The following BIRC6 variants were observed in gnomAD, a reference collection of about 807,000 sequenced individuals.
The protein encoded by BIRC6 is baculoviral IAP repeat containing 6, also known as dual E2 ubiquitin-conjugating enzyme/E3 ubiquitin-protein ligase BIRC6.
BIRC6 carries 98 observed loss-of-function variants against 503.3 expected under a neutral mutation model. The observed-to-expected ratio is 0.19, with a 90% confidence interval of 0.17 to 0.23. The LOEUF is 0.23. Ranked by LOEUF, BIRC6 falls within the 10% of genes least tolerant of loss-of-function variation. The pLI is 1.00. For missense variants in BIRC6, 5,360 were observed against 5,806.0 expected (o/e 0.92, Z 2.50); for synonymous variants, 2,240 against 2,078.7 (o/e 1.08, Z -2.11).
At chr2:32,426,831 C>T (rs1276455748) in intron 10 of BIRC6, among the ~76,000 whole-genome samples, 1 of 152,178 alleles carries the variant, frequency 6.6e-6, no homozygotes, top group Non-Finnish European at 1.5e-5. Context: ...AGGTTGCTAG[C>T]ATAAAGTTCT....
Position 32,481,367 on chromosome 2 carries a change from G to C in BIRC6, c.7456G>C (p.Glu2486Gln). ...SLEKDKEIDL[E>Q]LLQDLMEVDI... ...GGAAAAAGATAAAGAAATTGACCTT[G>C]AGTTACTTCAGGATCTAATGGAAGT... The change falls in exon 38 of 74, where the codon GAG becomes CAG. Residue 2486 changes from glutamate (E) to glutamine (Q), a missense_variant. This residue lies in a region of BIRC6 where 2,299 missense variants were observed against 2,267.2 expected (regional missense o/e 1.01). Coordinates refer to ENST00000421745, the MANE Select transcript of BIRC6 (RefSeq NM_016252.4). 6.2e-7 allele frequency: 1 copy of C among 1,611,106 alleles called. No homozygotes were observed. Among genetic ancestry groups the C allele is most frequent in the Non-Finnish European group, 8.5e-7 (1 of 1,178,286 alleles).
At chr2:32,509,367 G>A (rs1194162882) in intron 51 of BIRC6, among the ~76,000 whole-genome samples, 1 of 152,046 alleles carries the variant, frequency 6.6e-6, no homozygotes, top group Non-Finnish European at 1.5e-5. Context: ...TGATTCTCCT[G>A]CCCCACCTTC....
chr2:32,503,820 G>C (rs573762107), intron 49 of BIRC6, among the ~76,000 whole-genome samples: 1 of 152,216 alleles, frequency 6.6e-6, no homozygotes, highest in East Asian at 1.9e-4. Flanking sequence ...AGATTCTTCC[G>C]TAAGTTTTCT....
In BIRC6 at chr2:32,607,481, A is replaced by T. The variant is rs1346394790; in HGVS notation, c.14097A>T (p.Ile4699=). The change falls in exon 72 of 74, where the codon ATA becomes ATT. Residue 4699 remains isoleucine (I), a synonymous_variant. Coordinates refer to ENST00000421745, the MANE Select transcript of BIRC6 (RefSeq NM_016252.4). ...TGTTGGTGTCTGTCCAGTCCCTTAT[A>T]TTAGTAGCTGAGCCTTATTTTAATG... ...LQVLVSVQSL[I]LVAEPYFNEP... The T allele has an allele frequency of 1.7e-5, 27 of 1,604,622 alleles. No individual in the cohort carries two copies. The highest frequency in any genetic ancestry group is 2.3e-5 in the Non-Finnish European group (27 of 1,173,648).
intron 16 of BIRC6, among the ~76,000 whole-genome samples, chr2:32,440,895 G>A (rs1184136514): frequency 6.6e-6 from 1 of 151,844 alleles, no homozygotes; most frequent in African/African-American, 2.4e-5. Flanking sequence ...CCCAAGTAGT[G>A]GGATTAAAGG....
intron 22 of BIRC6, among the ~76,000 whole-genome samples, chr2:32,451,339 A>T (rs938999997): frequency 6.6e-6 from 1 of 152,154 alleles, no homozygotes; most frequent in African/African-American, 2.4e-5. Context: ...AGTGTGTTCT[A>T]TAGACCCCCA....
At chr2:32,453,193 A>G (rs2046896880) in intron 22 of BIRC6, among the ~76,000 whole-genome samples, 1 of 152,046 alleles carries the variant, frequency 6.6e-6, no homozygotes, top group African/African-American at 2.4e-5. Flanking sequence ...TTTATTGGTC[A>G]TATAGTTGTG....
intron 1 of BIRC6, 27 bp from the exon 2 acceptor site, chr2:32,377,561 A>C (rs1251092459): frequency 6.4e-7 from 1 of 1,563,820 alleles, no homozygotes; most frequent in Non-Finnish European, 8.7e-7. Flanking sequence ...GAAAATCTTA[A>C]GTGTTGAATT....
intron 10 of BIRC6, among the ~76,000 whole-genome samples, chr2:32,427,440 C>G (rs983687402): frequency 3.3e-5 from 5 of 151,962 alleles, no homozygotes; most frequent in Non-Finnish European, 5.9e-5. Context: ...CGCCTGCCAC[C>G]ACGCCTGTCT....
At chr2:32,446,896 G>GCGGCCTTC (rs1415353011) in intron 21 of BIRC6, among the ~76,000 whole-genome samples, 4 of 126,552 alleles carry the variant, frequency 3.2e-5, no homozygotes, top group African/African-American at 9.1e-5. Context: ...AGAGGACCCT[G>GCGGCCTTC]CGGCCTTCCG....
chr2:32,578,277 AT>A (rs1270104450), intron 66 of BIRC6, among the ~76,000 whole-genome samples: 1 of 151,916 alleles, frequency 6.6e-6, no homozygotes, highest in South Asian at 2.1e-4. Context: ...AAAATAATCC[AT>A]TTTTCCCTTA....
rs191422530 is a variant in BIRC6, at chr2:32,600,253, A to T, written c.13992+353A>T. 1.2e-4 allele frequency among the ~76,000 whole-genome samples: 18 copies of T among 152,334 alleles called. 1 individual carries two copies. In the East Asian group the frequency reaches 1.5e-3, roughly 13 times the overall value. The stretch of plus-strand genomic sequence containing the variant: ...TGCATTTCCATTTACAAAAAAGCTG[A>T]CCAAAAGACATAATAAAAATCATCT... On this transcript the variant is annotated intron_variant, in intron 70 of 73. Coordinates refer to ENST00000421745, the MANE Select transcript of BIRC6 (RefSeq NM_016252.4).
intron 72 of BIRC6, among the ~76,000 whole-genome samples, chr2:32,609,749 CA>C (rs11336710): frequency 0.57 from 65,416 of 115,394 alleles, 14,834 homozygotes; most frequent in Middle Eastern, 0.61. Context: ...GACTCTGTCT[CA>C]AAAAAAAAAA....
Position 32,470,367 on chromosome 2 carries a change from A to G in BIRC6, c.6481+66A>G, listed in dbSNP as rs2048982597. On this transcript the variant is annotated intron_variant, in intron 31 of 73. Coordinates refer to ENST00000421745, the MANE Select transcript of BIRC6 (RefSeq NM_016252.4). ...CCTGCAAATATTTCTTTTATAAAAT[A>G]TCTTCTCTGAAATACTTTAATAATT... 3.0e-6 allele frequency: 4 copies of G among 1,342,884 alleles called. No individual in the cohort carries two copies. In the Admixed American group the frequency reaches 1.2e-4, roughly 41 times the overall value. The allele number at this position is 1,342,884 out of a possible 1,614,324, so 83.2% of individuals were successfully genotyped here.
At chr2:32,371,215 CAAAAA>C (rs1179033406) in intron 1 of BIRC6, among the ~76,000 whole-genome samples, 3 of 28,716 alleles carry the variant, frequency 1.0e-4, no homozygotes, top group Admixed American at 5.2e-4. Context: ...GACCCTGTCT[CAAAAA>C]AAAAAAAAAA....
chr2:32,594,121 C>G (rs1434354173), intron 67 of BIRC6, 61 bp downstream of exon 67: 1 of 1,509,634 alleles, frequency 6.6e-7, no homozygotes. Flanking sequence ...CATTTACTTA[C>G]TGAAACCTGC....
intron 4 of BIRC6, among the ~76,000 whole-genome samples, chr2:32,391,798 A>G (rs2039265579): frequency 6.6e-6 from 1 of 152,204 alleles, no homozygotes; most frequent in South Asian, 2.1e-4. Context: ...AACATATGTA[A>G]TCTACCCCTG....
At chr2:32,605,819 C>G (rs1205389329) in intron 71 of BIRC6, among the ~76,000 whole-genome samples, 1 of 152,098 alleles carries the variant, frequency 6.6e-6, no homozygotes, top group Non-Finnish European at 1.5e-5. Context: ...GATCGCACCA[C>G]TGCACTCCAG....
At chr2:32,374,628 A>G (rs902579278) in intron 1 of BIRC6, among the ~76,000 whole-genome samples, 2 of 151,604 alleles carry the variant, frequency 1.3e-5, no homozygotes, top group African/African-American at 4.8e-5. Flanking sequence ...GCCCGCCACC[A>G]CGCCCGGCTA....
Sources: gnomAD v4.1 joint callset for allele counts (sites outside exome capture counted in the v4.1 genomes callset) on GRCh38, gnomAD v4.1.1 for gene constraint, gnomAD v4.1.1 regional missense constraint, MANE v1.5 for transcripts, NCBI Gene and HGNC (gene_info 2026-07-23, HGNC 2026-07-21) for gene names.